The following CDK15 variants were observed in gnomAD, a reference collection of about 807,000 sequenced individuals.
CDK15 encodes the protein cyclin dependent kinase 15.
CDK15 carries 62 observed loss-of-function variants against 60.3 expected under a neutral mutation model. The observed-to-expected ratio is 1.03, with a 90% CI of 0.84 to 1.27. The LOEUF is 1.27. Ranked by LOEUF, CDK15 falls within the 50% of genes most tolerant of loss-of-function variation. The pLI is 0.00. For missense variants in CDK15, 541 were observed against 527.8 expected (o/e 1.03, Z -0.25); for synonymous variants, 194 against 195.7 (o/e 0.99, Z 0.07).
At chr2:201,834,333 A>G (rs895026256) in intron 7 of CDK15, among the ~76,000 whole-genome samples, 2 of 152,188 alleles carry the variant, frequency 1.3e-5, no homozygotes, top group Non-Finnish European at 2.9e-5. Flanking sequence ...AAGATGATAA[A>G]GAGGTTAACC....
At position 201,888,871 on chromosome 2, in the gene CDK15, G is replaced by A. The variant is rs1473615220; in HGVS notation, c.1199-1914G>A. The A allele has an allele frequency of 2.9e-6, 3 of 1,045,262 alleles. No individual in the cohort carries two copies. In the Admixed American group the frequency reaches 1.5e-4, roughly 52 times the overall value. The allele number at this position is 1,045,262 out of a possible 1,614,324, so 64.7% of individuals were successfully genotyped here. ...TCCCCAAATGGTTTGGATTTGAGTT[G>A]ATTTGAGAATAATTGGTAAAGTATA... On this transcript the variant is annotated intron_variant, in intron 12 of 13. Coordinates refer to ENST00000652192, the MANE Select transcript of CDK15 (RefSeq NM_001366386.2).
At position 201,807,953 on chromosome 2, in the gene CDK15, G is replaced by A. The variant is rs1314075684; in HGVS notation, c.368+1G>A. On this transcript the variant is annotated splice_donor_variant, in intron 3 of 13. Transcript: ENST00000652192. LOFTEE classifies it high-confidence loss of function. ...CGACAGTTTACAAGGGGATTAGCAG[G>A]TGAGTGACACATAGCTGGGAGAGAC... The A allele has an allele frequency of 6.2e-7, 1 of 1,612,538 alleles. No homozygotes were observed. Among genetic ancestry groups the A allele is most frequent in the Non-Finnish European group, 8.5e-7 (1 of 1,179,272 alleles).
intron 8 of CDK15, among the ~76,000 whole-genome samples, chr2:201,846,881 C>T (rs1697694548): frequency 1.3e-5 from 2 of 152,028 alleles, no homozygotes; most frequent in Non-Finnish European, 1.5e-5. Flanking sequence ...TTCTCTTTTT[C>T]GTGTACAAGT....
chr2:201,889,132 C>G, intron 12 of CDK15: 1 of 985,424 alleles, frequency 1.0e-6, no homozygotes, highest in Non-Finnish European at 1.2e-6. Context: ...CGAGGCAGAG[C>G]TGGCAAGTTT....
chr2:201,831,744 C>G (rs1190269452), intron 6 of CDK15, among the ~76,000 whole-genome samples: 1 of 152,156 alleles, frequency 6.6e-6, no homozygotes, highest in Non-Finnish European at 1.5e-5. Context: ...TTCAAGCTGA[C>G]CTACTAAGAA....
At chr2:201,880,751 C>G (rs565695802) in intron 12 of CDK15, among the ~76,000 whole-genome samples, 2 of 152,260 alleles carry the variant, frequency 1.3e-5, no homozygotes, top group Non-Finnish European at 2.9e-5. Context: ...ATCTTCCAAA[C>G]CTGAAATCTG....
intron 11 of CDK15, among the ~76,000 whole-genome samples, chr2:201,874,713 A>G (rs1699006867): frequency 6.6e-6 from 1 of 152,104 alleles, no homozygotes; most frequent in Non-Finnish European, 1.5e-5. Flanking sequence ...TTTGATGGTG[A>G]TCTCCTTAAT....
intron 9 of CDK15, 102 bp from the exon 10 acceptor site, chr2:201,854,772 C>G: frequency 1.1e-6 from 1 of 920,376 alleles, no homozygotes; most frequent in Non-Finnish European, 1.8e-6. Flanking sequence ...ACATCTGACG[C>G]TTCCCTGTTC....
intron 6 of CDK15, among the ~76,000 whole-genome samples, chr2:201,829,110 G>A (rs1374511902): frequency 6.6e-6 from 1 of 152,184 alleles, no homozygotes; most frequent in Non-Finnish European, 1.5e-5. Context: ...AAACAAAGAG[G>A]TGATAAATTC....
chr2:201,812,455 T>G, intron 3 of CDK15, 28 bp from the exon 4 acceptor site: 1 of 1,538,006 alleles, frequency 6.5e-7, no homozygotes, highest in South Asian at 1.1e-5. Flanking sequence ...CCTCAATAAG[T>G]GTGTGCCCCT....
intron 3 of CDK15, among the ~76,000 whole-genome samples, chr2:201,811,584 T>C (rs895284145): frequency 1.3e-5 from 2 of 152,226 alleles, no homozygotes; most frequent in African/African-American, 4.8e-5. Flanking sequence ...GATTTATACC[T>C]GCATTAAAAT....
chr2:201,816,985 C>T (rs1696024140), intron 4 of CDK15, among the ~76,000 whole-genome samples: 1 of 152,200 alleles, frequency 6.6e-6, no homozygotes, highest in African/African-American at 2.4e-5. Flanking sequence ...TGTAGAGCTA[C>T]CTATGAGCTG....
At chr2:201,867,613 A>G (rs1423179273) in intron 10 of CDK15, among the ~76,000 whole-genome samples, 3 of 152,192 alleles carry the variant, frequency 2.0e-5, no homozygotes, top group Non-Finnish European at 4.4e-5. Flanking sequence ...CCTGGGCAAC[A>G]GAATAAGAAC....
rs1312627507 is a variant in CDK15, at chr2:201,835,780, G to A, written c.851+17G>A. On this transcript the variant is annotated intron_variant, in intron 8 of 13. Transcript: ENST00000652192. ...GGACATATGGTAAGAGTGGTGCCGAGAAAATGTGAGTCATCCTACTCACGA... is the reference window on the plus strand; with the variant it reads ...GGACATATGGTAAGAGTGGTGCCGAAAAAATGTGAGTCATCCTACTCACGA... 6.7e-7 allele frequency: 1 copy of A among 1,491,922 alleles called. No individual in the cohort carries two copies. Among genetic ancestry groups the A allele is most frequent in the Admixed American group, 1.8e-5 (1 of 56,134 alleles). The allele number at this position is 1,491,922 out of a possible 1,614,324, so 92.4% of individuals were successfully genotyped here.
intron 8 of CDK15, among the ~76,000 whole-genome samples, chr2:201,842,861 C>T (rs1302473315): frequency 6.6e-6 from 1 of 151,640 alleles, no homozygotes; most frequent in Non-Finnish European, 1.5e-5. Flanking sequence ...GTCTTTTCTC[C>T]CCTGCATATG....
chr2:201,817,659 T>C (rs73055670), intron 4 of CDK15, among the ~76,000 whole-genome samples: 3,331 of 152,284 alleles, frequency 0.022, 74 homozygotes, highest in African/African-American at 0.055. Flanking sequence ...GGTCATACAA[T>C]GAGGCAGGGG....
intron 11 of CDK15, among the ~76,000 whole-genome samples, chr2:201,879,609 G>T (rs1699200065): frequency 1.3e-5 from 2 of 152,086 alleles, no homozygotes; most frequent in Non-Finnish European, 1.5e-5. Context: ...CAAACTCCTG[G>T]CCTCAAGTGA....
At chr2:201,848,125 A>G (rs1396268791) in intron 9 of CDK15, among the ~76,000 whole-genome samples, 2 of 151,996 alleles carry the variant, frequency 1.3e-5, no homozygotes, top group Non-Finnish European at 2.9e-5. Context: ...AAGACACAAA[A>G]TTTTCATAGA....
At chr2:201,841,231 T>C (rs1697364163) in intron 8 of CDK15, among the ~76,000 whole-genome samples, 1 of 152,210 alleles carries the variant, frequency 6.6e-6, no homozygotes, top group Non-Finnish European at 1.5e-5. Flanking sequence ...TTTTACCACA[T>C]ATACAAAAAT....
Sources: gnomAD v4.1 joint callset for allele counts (sites outside exome capture counted in the v4.1 genomes callset) on GRCh38, gnomAD v4.1.1 for gene constraint, MANE v1.5 for transcripts, NCBI Gene and HGNC (gene_info 2026-07-23, HGNC 2026-07-21) for gene names.